Variants in PBX3 observed in about 807,000 individuals in gnomAD.
The protein encoded by PBX3 is pre-B-cell leukemia transcription factor 3.
PBX3 carries 14 observed loss-of-function variants against 48.5 expected under a neutral mutation model. That is an observed-to-expected ratio of 0.29 (90% confidence interval 0.19 to 0.45). The LOEUF (loss-of-function observed/expected upper bound fraction) is 0.45. Ranked by LOEUF, PBX3 falls within the 20% of genes least tolerant of loss-of-function variation. The pLI, the probability that PBX3 is intolerant of heterozygous loss-of-function variation, is 1.00. For missense variants in PBX3, 386 were observed against 546.7 expected (o/e 0.71, Z 2.93); for synonymous variants, 210 against 200.3 (o/e 1.05, Z -0.41).
At position 125,759,717 on chromosome 9, in the gene PBX3, A is replaced by G. The variant is rs1836614274; in HGVS notation, c.274+11094A>G. On this transcript the variant is annotated intron_variant, in intron 2 of 8. Coordinates refer to ENST00000373489, the MANE Select transcript of PBX3 (RefSeq NM_006195.6). The surrounding 1 kb of genome is among the most constrained non-coding windows in gnomAD (Gnocchi z 4.2). The stretch of plus-strand genomic sequence containing the variant: ...GACCGCGTCTGTGAACGCGGCTCAT[A>G]ATTGTTTTTCACACATAAGTTATGC... Among the ~76,000 whole-genome samples, 1 of 152,194 alleles carries G rather than the reference A, an allele frequency of 6.6e-6. No individual in the cohort carries two copies. Among genetic ancestry groups the G allele is most frequent in the Non-Finnish European group, 1.5e-5 (1 of 68,028 alleles).
At chr9:125,895,387 A>G (rs568616035) in intron 2 of PBX3, among the ~76,000 whole-genome samples, 1 of 152,206 alleles carries the variant, frequency 6.6e-6, no homozygotes, top group South Asian at 2.1e-4. Context: ...TTGATATACA[A>G]ATTTTGAAGT....
chr9:125,897,335 C>CA (rs958218346), intron 2 of PBX3, among the ~76,000 whole-genome samples: 29 of 151,342 alleles, frequency 1.9e-4, no homozygotes, highest in African/African-American at 7.0e-4. Flanking sequence ...TTCTTGAGGG[C>CA]AAAAAACATT....
intron 2 of PBX3, among the ~76,000 whole-genome samples, chr9:125,895,537 A>G (rs2132400739): frequency 6.6e-6 from 1 of 152,122 alleles, no homozygotes; most frequent in South Asian, 2.1e-4. Context: ...TTAGCGCTAC[A>G]ACGAACTTTT....
intron 3 of PBX3, among the ~76,000 whole-genome samples, chr9:125,925,797 A>G (rs1293710665): frequency 1.3e-5 from 2 of 152,224 alleles, no homozygotes; most frequent in African/African-American, 2.4e-5. Context: ...ATGTATTTCT[A>G]TTGGACAGGA....
At chr9:125,871,107 A>G (rs1303795686) in intron 2 of PBX3, among the ~76,000 whole-genome samples, 5 of 152,156 alleles carry the variant, frequency 3.3e-5, no homozygotes, top group African/African-American at 1.2e-4. Context: ...GCTAAAAACT[A>G]GAAAAAATAG....
At position 125,960,791 on chromosome 9, in the gene PBX3, C is replaced by T. The variant is rs368535684; in HGVS notation, c.951C>T (p.His317=). 34 of 1,614,142 alleles carry T rather than the reference C, an allele frequency of 2.1e-5. No homozygotes were observed. The highest frequency in any genetic ancestry group is 1.5e-4 in the African/African-American group (11 of 75,054). Residue 317 remains histidine (H), a synonymous_variant, in exon 6 of 9, where the codon CAC becomes CAT. Coordinates refer to ENST00000373489, the MANE Select transcript of PBX3 (RefSeq NM_006195.6). ...YAAKTAVTAA[H]AVAAAVQNNQ... Reference sequence around the variant, plus strand: ...CAAAGACGGCCGTGACAGCTGCACACGCAGTAGCAGCAGCTGTGCAGAACA... The same window carrying T: ...CAAAGACGGCCGTGACAGCTGCACATGCAGTAGCAGCAGCTGTGCAGAACA...
At chr9:125,958,224 T>C (rs1408046548) in intron 5 of PBX3, among the ~76,000 whole-genome samples, 1 of 152,052 alleles carries the variant, frequency 6.6e-6, no homozygotes, top group East Asian at 1.9e-4. Flanking sequence ...ACCCCAGAGC[T>C]AGTCAGTGGC....
chr9:125,951,035 CA>C (rs2118765115), intron 5 of PBX3, among the ~76,000 whole-genome samples: 1 of 152,246 alleles, frequency 6.6e-6, no homozygotes, highest in African/African-American at 2.4e-5. Context: ...TAACCTTAGG[CA>C]AGTTACATAA....
intron 2 of PBX3, among the ~76,000 whole-genome samples, chr9:125,914,505 A>G (rs1841280039): frequency 6.6e-6 from 1 of 152,164 alleles, no homozygotes; most frequent in Admixed American, 6.5e-5. Flanking sequence ...ATAAAATCAG[A>G]GTTGGTGATC....
At chr9:125,805,579 A>G (rs967781213) in intron 2 of PBX3, among the ~76,000 whole-genome samples, 21 of 152,238 alleles carry the variant, frequency 1.4e-4, no homozygotes, top group African/African-American at 4.6e-4. Flanking sequence ...TGATAGCAGT[A>G]AAGACGGAGA....
chr9:125,847,444 GT>G (rs927908619), intron 2 of PBX3, among the ~76,000 whole-genome samples: 49 of 151,972 alleles, frequency 3.2e-4, no homozygotes, highest in African/African-American at 1.2e-3. Context: ...TTTGAATCAT[GT>G]TTTAGAAGAA....
chr9:125,875,086 C>T (rs749044692), intron 2 of PBX3, among the ~76,000 whole-genome samples: 1 of 152,148 alleles, frequency 6.6e-6, no homozygotes, highest in South Asian at 2.1e-4. Context: ...ACTAAAACTC[C>T]GTATCTATCT....
intron 3 of PBX3, among the ~76,000 whole-genome samples, chr9:125,925,753 AC>A (rs1476929357): frequency 1.3e-5 from 2 of 152,214 alleles, no homozygotes; most frequent in Non-Finnish European, 2.9e-5. Flanking sequence ...TAATATGGCT[AC>A]TGAGAATTTA....
chr9:125,914,175 C>T (rs560625090), intron 2 of PBX3, among the ~76,000 whole-genome samples: 62 of 152,232 alleles, frequency 4.1e-4, no homozygotes, highest in African/African-American at 1.4e-3. Context: ...TGTGTTGGTA[C>T]GCATTTTATG....
chr9:125,891,603 A>G (rs985114474), intron 2 of PBX3, among the ~76,000 whole-genome samples: 1 of 152,258 alleles, frequency 6.6e-6, no homozygotes, highest in African/African-American at 2.4e-5. Flanking sequence ...TGAACTCACA[A>G]TGAAAGAAAA....
At chr9:125,776,548 T>C (rs1837075059) in intron 2 of PBX3, among the ~76,000 whole-genome samples, 1 of 152,198 alleles carries the variant, frequency 6.6e-6, no homozygotes, top group Non-Finnish European at 1.5e-5. Flanking sequence ...ACTTCTTTTC[T>C]TTTTTTAAAT....
At chr9:125,807,860 T>C (rs903120488) in intron 2 of PBX3, among the ~76,000 whole-genome samples, 6 of 152,234 alleles carry the variant, frequency 3.9e-5, no homozygotes, top group African/African-American at 1.4e-4. Flanking sequence ...TATATCAGTG[T>C]TTATGTTATC....
intron 2 of PBX3, among the ~76,000 whole-genome samples, chr9:125,899,837 G>A (rs1840899347): frequency 6.6e-6 from 1 of 151,612 alleles, no homozygotes; most frequent in Non-Finnish European, 1.5e-5. Flanking sequence ...ATTGAGAATT[G>A]GAGGCATTAT....
At chr9:125,778,715 G>A (rs1325890548) in intron 2 of PBX3, among the ~76,000 whole-genome samples, 2 of 145,042 alleles carry the variant, frequency 1.4e-5, no homozygotes, top group African/African-American at 5.2e-5. Flanking sequence ...GTCTCCCCCT[G>A]CTCTTTGCCC....
Sources: allele counts gnomAD v4.1 joint callset (sites outside exome capture counted in the v4.1 genomes callset), GRCh38; gene constraint gnomAD v4.1.1; non-coding constraint Gnocchi (gnomAD v3.1); transcripts MANE v1.5; gene names NCBI Gene and HGNC (gene_info 2026-07-23, HGNC 2026-07-21).